The following ZDHHC15 variants were observed in gnomAD, a reference collection of about 807,000 sequenced individuals.
ZDHHC15 encodes the protein palmitoyltransferase ZDHHC15.
In ZDHHC15, 19 loss-of-function variants were observed where a neutral mutation model predicts 31.7. The ratio of observed to expected loss-of-function variants is 0.60; its 90% confidence interval spans 0.42 to 0.88. The LOEUF is 0.88. Among genes scored for constraint, ZDHHC15 ranks in the 40% least tolerant of loss-of-function variants. The probability of loss-of-function intolerance (pLI) is 0.00; values close to 1 mark genes in which losing one functional copy is unlikely to be tolerated. For synonymous variants in ZDHHC15, 103 were observed against 90.0 expected, an observed-to-expected ratio of 1.14 and a Z score of -0.82; for missense variants, 209 against 251.2, an observed-to-expected ratio of 0.83 and a Z score of 1.14.
At position 75,429,153 on chromosome X, in the gene ZDHHC15, T is replaced by C; in HGVS notation, c.528A>G (p.Gln176=). 8.3e-7 allele frequency: 1 copy of C among 1,204,079 alleles called. No individual in the cohort carries two copies. Among genetic ancestry groups the C allele is most frequent in the East Asian group, 3.0e-5 (1 of 33,535 alleles). ...IGFSNYKFFL[Q]FLAYSVLYCL... ...AGTAGAGAACAGAGTAAGCTAAGAA[T>C]TGAAGGAAGAATTTGTAGTTGGAAA... is the stretch of plus-strand genomic sequence containing the variant. The change falls in exon 7 of 12, where the codon CAA becomes CAG. Residue 176 remains glutamine (Q), a synonymous_variant. Coordinates refer to ENST00000373367, the MANE Select transcript of ZDHHC15 (RefSeq NM_144969.3).
chrX:75,464,637 G>C (rs1471325778), intron 3 of ZDHHC15, among the ~76,000 whole-genome samples: 1 of 111,100 alleles, frequency 9.0e-6, no homozygotes, highest in Non-Finnish European at 1.9e-5. Context: ...TTCATCCCCA[G>C]ATACAAGGTT....
intron 4 of ZDHHC15, among the ~76,000 whole-genome samples, chrX:75,432,647 A>G (rs2083795015): frequency 9.0e-6 from 1 of 111,256 alleles, no homozygotes; most frequent in African/African-American, 3.3e-5. Flanking sequence ...TGCCCCTCAA[A>G]AGACCTACTA....
At chrX:75,419,328 A>T (rs749014113) in intron 9 of ZDHHC15, among the ~76,000 whole-genome samples, 1 of 112,404 alleles carries the variant, frequency 8.9e-6, no homozygotes, top group South Asian at 3.7e-4. Context: ...ACATTTATAC[A>T]GCCAAAAGAC....
chrX:75,389,822 T>C (rs1209833294), intron 10 of ZDHHC15, among the ~76,000 whole-genome samples: 1 of 111,482 alleles, frequency 9.0e-6, no homozygotes, highest in Non-Finnish European at 1.9e-5. Flanking sequence ...TTCTGCTTGA[T>C]AAAAGCAAAG....
At chrX:75,423,424 C>T (rs1188796848) in intron 8 of ZDHHC15, among the ~76,000 whole-genome samples, 2 of 106,791 alleles carry the variant, frequency 1.9e-5, no homozygotes, top group East Asian at 5.9e-4. Context: ...TTAGCTCCCA[C>T]TTATAAGTGA....
At chrX:75,473,553 T>C (rs146530051) in intron 3 of ZDHHC15, among the ~76,000 whole-genome samples, 3 of 111,299 alleles carry the variant, frequency 2.7e-5, no homozygotes, top group Admixed American at 1.9e-4. Flanking sequence ...GGGCTCCTCC[T>C]ACCTTTAAGT....
intron 2 of ZDHHC15, among the ~76,000 whole-genome samples, chrX:75,492,187 A>C (rs1022943460): frequency 3.6e-5 from 4 of 111,554 alleles, no homozygotes; most frequent in Non-Finnish European, 7.5e-5. Flanking sequence ...ACAAAGAAGG[A>C]CATTAGATAA....
chrX:75,435,920 C>T (rs370375551), intron 4 of ZDHHC15, among the ~76,000 whole-genome samples: 3 of 111,834 alleles, frequency 2.7e-5, no homozygotes, highest in Non-Finnish European at 3.8e-5. Flanking sequence ...AGGAGTGGTA[C>T]CAATTCTTCT....
intron 10 of ZDHHC15, among the ~76,000 whole-genome samples, chrX:75,388,171 C>A (rs918800803): frequency 8.9e-6 from 1 of 112,169 alleles, no homozygotes; most frequent in Non-Finnish European, 1.9e-5. Flanking sequence ...ATCACCAGAC[C>A]AATCTTACAA....
At chrX:75,498,220 A>G (rs1404828114) in intron 2 of ZDHHC15, among the ~76,000 whole-genome samples, 1 of 111,095 alleles carries the variant, frequency 9.0e-6, no homozygotes, top group Non-Finnish European at 1.9e-5. Flanking sequence ...GGCGTGAGCC[A>G]CCGTGCCTGG....
intron 4 of ZDHHC15, among the ~76,000 whole-genome samples, chrX:75,445,859 C>T (rs1444073449): frequency 9.0e-6 from 1 of 111,609 alleles, no homozygotes; most frequent in Non-Finnish European, 1.9e-5. Flanking sequence ...CCAGTAGAAG[C>T]AGCTTCCAAC....
chrX:75,474,345 T>C (rs2084553829), intron 3 of ZDHHC15, among the ~76,000 whole-genome samples: 1 of 108,577 alleles, frequency 9.2e-6, no homozygotes. Flanking sequence ...TTTTTGGGAT[T>C]CAGACTGGCT....
intron 3 of ZDHHC15, among the ~76,000 whole-genome samples, chrX:75,466,768 T>C: frequency 9.1e-6 from 1 of 110,116 alleles, no homozygotes; most frequent in East Asian, 2.9e-4. Context: ...TTGGAAGCCA[T>C]TATCTTCAGC....
At chrX:75,486,980 T>C (rs1481530376) in intron 2 of ZDHHC15, among the ~76,000 whole-genome samples, 1 of 110,943 alleles carries the variant, frequency 9.0e-6, no homozygotes, top group Non-Finnish European at 1.9e-5. Context: ...AAAACGTGAG[T>C]ACCCATCCTA....
At chrX:75,470,503 G>T (rs1297034215) in intron 3 of ZDHHC15, among the ~76,000 whole-genome samples, 1 of 111,500 alleles carries the variant, frequency 9.0e-6, no homozygotes, top group East Asian at 2.8e-4. Context: ...CTTCCCCAAA[G>T]AAACATGTGG....
intron 2 of ZDHHC15, among the ~76,000 whole-genome samples, chrX:75,496,007 T>A (rs2084991396): frequency 2.7e-5 from 3 of 109,902 alleles, no homozygotes; most frequent in African/African-American, 9.9e-5. Flanking sequence ...CACATCTCAA[T>A]ACTAAAGTTG....
intron 4 of ZDHHC15, among the ~76,000 whole-genome samples, chrX:75,444,813 A>G (rs1191935364): frequency 9.5e-6 from 1 of 105,541 alleles, no homozygotes; most frequent in African/African-American, 3.5e-5. Context: ...ATAAAAAAAA[A>G]TTCAGAGGAA....
At position 75,386,187 on chromosome X, in the gene ZDHHC15, C is replaced by G. The variant is rs115660058; in HGVS notation, c.968-6989G>C. ...AAATAACAAAAGAGGAAATAGGCCA[C>G]AATATATAAAACATTGAATATACTA... On this transcript the variant is annotated intron_variant, in intron 10 of 11. Coordinates refer to ENST00000373367, the MANE Select transcript of ZDHHC15 (RefSeq NM_144969.3). Among the ~76,000 whole-genome samples the G allele has an allele frequency of 5.8e-3, 640 of 111,211 alleles. 4 individuals are homozygous for G. The highest frequency in any genetic ancestry group is 0.02 in the African/African-American group (616 of 30,577).
intron 2 of ZDHHC15, among the ~76,000 whole-genome samples, chrX:75,479,863 T>G (rs1411941547): frequency 2.7e-5 from 3 of 112,208 alleles, no homozygotes; most frequent in East Asian, 2.8e-4. Flanking sequence ...TATGGCTGAA[T>G]AGTATTCCAT....
Sources: allele counts gnomAD v4.1 joint callset (sites outside exome capture counted in the v4.1 genomes callset), GRCh38; gene constraint gnomAD v4.1.1; transcripts MANE v1.5; gene names NCBI Gene and HGNC (gene_info 2026-07-23, HGNC 2026-07-21).